Variants in DYNC1H1 observed in about 807,000 individuals in gnomAD.
DYNC1H1 encodes dynein cytoplasmic 1 heavy chain 1.
DYNC1H1 carries 51 observed loss-of-function variants against 527.1 expected under a neutral mutation model. The ratio of observed to expected loss-of-function variants is 0.10; its 90% CI spans 0.08 to 0.12. The LOEUF is 0.12. Ranked by LOEUF, DYNC1H1 falls within the 10% of genes least tolerant of loss-of-function variation. The pLI is 1.00. For missense variants in DYNC1H1, 2,771 were observed against 5,971.8 expected (o/e 0.46, Z 17.66); for synonymous variants, 2,189 against 2,278.8 (o/e 0.96, Z 1.12).
chr14:102,031,035 A>G (rs78744107), intron 51 of DYNC1H1, among the ~76,000 whole-genome samples: 8 of 152,360 alleles, frequency 5.3e-5, no homozygotes, highest in Non-Finnish European at 1.0e-4. Context: ...CCTGTTTCAA[A>G]TAACCCAATT....
rs1371921773 is a variant in DYNC1H1 at position 102,050,657 on chromosome 14, A to G, written c.*94A>G. ...TTGGAAGGTCTGAGCTTGTGAAAAG[A>G]AAGTGGTTGGTCTGAGGTTGGAGGA... On this transcript the variant is annotated 3_prime_UTR_variant, in exon 78 of 78. Coordinates refer to ENST00000360184, the MANE Select transcript of DYNC1H1 (RefSeq NM_001376.5). The G allele has an allele frequency of 3.7e-6, 6 of 1,600,442 alleles. No individual in the cohort carries two copies. Among genetic ancestry groups the G allele is most frequent in the Non-Finnish European group, 5.1e-6 (6 of 1,171,178 alleles).
At chr14:102,008,072 A>G in intron 28 of DYNC1H1, 106 bp from the exon 29 acceptor site, 6 of 1,540,298 alleles carry the variant, frequency 3.9e-6, no homozygotes, top group South Asian at 1.1e-5. Flanking sequence ...CTAAAGACAA[A>G]CCCACTAGGG....
At chr14:101,969,126 T>G (rs2047700475) in intron 1 of DYNC1H1, among the ~76,000 whole-genome samples, 1 of 151,604 alleles carries the variant, frequency 6.6e-6, no homozygotes. Context: ...CACGCCATTC[T>G]CCTGCCTGAG....
rs1486693622 is a variant in DYNC1H1 at position 102,038,019 on chromosome 14, T to C, written c.10909-441T>C. The C allele has an allele frequency of 3.2e-6, 1 of 308,842 alleles. No individual in the cohort carries two copies. Among genetic ancestry groups the C allele is most frequent in the Non-Finnish European group, 6.3e-6 (1 of 159,556 alleles). The allele number at this position is 308,842 out of a possible 1,614,324, so 19.1% of individuals were successfully genotyped here. Reference sequence around the variant, plus strand: ...GACTAGGAACTGAGTTTTAATTTTTTATTTTATGTTTTTTTGAGACAGAGT... The same window carrying C: ...GACTAGGAACTGAGTTTTAATTTTTCATTTTATGTTTTTTTGAGACAGAGT... On this transcript the variant is annotated intron_variant, in intron 57 of 77. Coordinates refer to ENST00000360184, the MANE Select transcript of DYNC1H1 (RefSeq NM_001376.5). This position sits in a 1 kb window ranked among gnomAD's most constrained non-coding sequence, Gnocchi z 7.2.
At chr14:102,043,437 TG>T in intron 69 of DYNC1H1, 1 of 312,018 alleles carries the variant, frequency 3.2e-6, no homozygotes, top group South Asian at 2.9e-5. Context: ...ACGGAGAAGC[TG>T]GGACTCAGAG....
At chr14:101,975,517 C>A (rs1173905538) in intron 1 of DYNC1H1, among the ~76,000 whole-genome samples, 195 bp from the exon 2 acceptor site, 1 of 152,158 alleles carries the variant, frequency 6.6e-6, no homozygotes, top group Non-Finnish European at 1.5e-5. Flanking sequence ...TCACAGACAA[C>A]CGCCTTGCCC....
At chr14:101,972,506 T>C (rs1173981083) in intron 1 of DYNC1H1, among the ~76,000 whole-genome samples, 1 of 152,212 alleles carries the variant, frequency 6.6e-6, no homozygotes, top group Non-Finnish European at 1.5e-5. Flanking sequence ...GGGTGTGCCT[T>C]CCTGAGCTGA....
chr14:101,993,900 C>T (rs1229898952), intron 11 of DYNC1H1, among the ~76,000 whole-genome samples: 3 of 152,214 alleles, frequency 2.0e-5, no homozygotes, highest in African/African-American at 7.2e-5. Context: ...TGGCACATAA[C>T]AGGCACTCAG....
Position 102,056,013 on chromosome 14 carries a change from G to GTCCT in DYNC1H1, c.*5451_*5454dup, listed in dbSNP as rs2048872969. On this transcript the variant is annotated 3_prime_UTR_variant, in exon 78 of 78. Coordinates refer to ENST00000360184, the MANE Select transcript of DYNC1H1 (RefSeq NM_001376.5). ...CGCACCCATGACACAGCCTCAGGAG[G>GTCCT]TCCTGACTGGGGGGAGAGAGACCCT... 1 of 152,216 alleles carries GTCCT rather than the reference G, an allele frequency of 6.6e-6. No individual in the cohort carries two copies. The highest frequency in any genetic ancestry group is 1.5e-5 in the Non-Finnish European group (1 of 68,050). The allele number at this position is 152,216 out of a possible 1,614,324, so 9.4% of individuals were successfully genotyped here.
In DYNC1H1 at chr14:101,988,953, A is replaced by G. The variant is rs1450063974; in HGVS notation, c.2868+101A>G. 3 of 1,482,530 alleles carry G rather than the reference A, an allele frequency of 2.0e-6. No individual in the cohort carries two copies. The African/African-American group carries it at 4.2e-5, about 21-fold the overall frequency. 91.8% of individuals were successfully genotyped at this position (1,482,530 alleles called of 1,614,324 possible). On this transcript the variant is annotated intron_variant, in intron 10 of 77. Coordinates refer to ENST00000360184, the MANE Select transcript of DYNC1H1 (RefSeq NM_001376.5). ...AGGTCACTTAGTGTGGACACCTGGC[A>G]GATGCCACCTTAACCAGGTGATGAA...
chr14:102,026,141 C>T (rs1473539485), intron 43 of DYNC1H1, among the ~76,000 whole-genome samples: 1 of 151,538 alleles, frequency 6.6e-6, no homozygotes. Flanking sequence ...CAGGCCCTCA[C>T]ACCTGGTTCT....
In DYNC1H1 at chr14:101,985,158, T is replaced by A. The variant is rs1357085719; in HGVS notation, c.1462-529T>A. ...GACTTCCTGGGTTTTAAATCCTAAT[T>A]CCATCGTTTACTAGCTCTGTGACTG... On this transcript the variant is annotated intron_variant, in intron 7 of 77. Transcript: ENST00000360184. This position sits in a 1 kb window ranked among gnomAD's most constrained non-coding sequence, Gnocchi z 5.9. Among the ~76,000 whole-genome samples, 3 of 152,220 alleles carry A rather than the reference T, an allele frequency of 2.0e-5. No individual in the cohort carries two copies. Among genetic ancestry groups the A allele is most frequent in the Admixed American group, 1.3e-4 (2 of 15,294 alleles).
At position 101,989,287 on chromosome 14, in the gene DYNC1H1, C is replaced by T. The variant is rs17540825; in HGVS notation, c.2868+435C>T. Among the ~76,000 whole-genome samples the T allele has an allele frequency of 1.3e-4, 20 of 152,352 alleles. No homozygotes were observed. The East Asian group carries it at 1.9e-3, about 15-fold the overall frequency. On this transcript the variant is annotated intron_variant, in intron 10 of 77. Transcript: ENST00000360184. ...ATTTCAAGAACTGCATGTAATCCAC[C>T]AGAAGTCAGTGTTCAGACCATGACA...
intron 1 of DYNC1H1, among the ~76,000 whole-genome samples, chr14:101,966,775 A>G (rs1230270511): frequency 6.6e-6 from 1 of 152,180 alleles, no homozygotes. Context: ...AGTGATCACC[A>G]GTAATTCGCT....
chr14:101,983,457 A>C lies in DYNC1H1; in HGVS notation c.1309A>C (p.Ile437Leu). ...GAAACTTCAGGTATTGTTGAGAGAC[A>C]TCGTCAAAAGAAAAAGGGAAGAAAA... is the stretch of plus-strand genomic sequence containing the variant. ...YEKLQVLLRD[I>L]VKRKREENLK... The change falls in exon 7 of 78, where the codon ATC becomes CTC. Residue 437 changes from isoleucine (I) to leucine (L), a missense_variant. Physicochemically the swap from Ile to Leu is conservative, Grantham distance 5. Around this residue, in one of 32 missense-constraint regions of DYNC1H1, gnomAD observed 264 missense variants for 619.4 expected, o/e 0.43. Transcript: ENST00000360184. The surrounding 1 kb of genome is among the most constrained non-coding windows in gnomAD (Gnocchi z 5.3). 6.2e-7 allele frequency: 1 copy of C among 1,614,154 alleles called. No individual in the cohort carries two copies. The highest frequency in any genetic ancestry group is 8.5e-7 in the Non-Finnish European group (1 of 1,180,036).
chr14:102,048,462 C>T, intron 73 of DYNC1H1, 54 bp from the exon 74 acceptor site: 4 of 1,611,892 alleles, frequency 2.5e-6, no homozygotes, highest in African/African-American at 1.3e-5. Flanking sequence ...TTGACCTTTA[C>T]ACTGGAGAAA....
At chr14:102,024,378 C>G (rs2048424491) in intron 43 of DYNC1H1, among the ~76,000 whole-genome samples, 1 of 152,148 alleles carries the variant, frequency 6.6e-6, no homozygotes, top group Non-Finnish European at 1.5e-5. Flanking sequence ...TAGGCAGCTC[C>G]CACTCCAGTG....
In DYNC1H1 at chr14:102,044,708, A is replaced by C; in HGVS notation, c.13006+10A>C. ...CTCCTTACCACACAGGGTAGGCAAC[A>C]AGGATCCTCCCCACACGCAGGGTGG... On this transcript the variant is annotated intron_variant, in intron 72 of 77. Transcript: ENST00000360184. The surrounding 1 kb of genome is among the most constrained non-coding windows in gnomAD (Gnocchi z 7.1). The C allele has an allele frequency of 6.2e-7, 1 of 1,613,200 alleles. No individual in the cohort carries two copies. The highest frequency in any genetic ancestry group is 8.5e-7 in the Non-Finnish European group (1 of 1,179,954).
rs2047663075 is a variant in DYNC1H1 at position 101,965,972 on chromosome 14, C to G, written c.256+1025C>G. On this transcript the variant is annotated intron_variant, in intron 1 of 77. Coordinates refer to ENST00000360184, the MANE Select transcript of DYNC1H1 (RefSeq NM_001376.5). The surrounding 1 kb of genome is among the most constrained non-coding windows in gnomAD (Gnocchi z 4.1). ...CTGCAGGCAGGCTTTCTCATGGATTCATTACAACCACTTTGTAGCCCATTA... is the reference window on the plus strand; with the variant it reads ...CTGCAGGCAGGCTTTCTCATGGATTGATTACAACCACTTTGTAGCCCATTA... Among the ~76,000 whole-genome samples, 1 of 152,118 alleles carries G rather than the reference C, an allele frequency of 6.6e-6. No homozygotes were observed. The highest frequency in any genetic ancestry group is 2.1e-4 in the South Asian group (1 of 4,834).
Sources: gnomAD v4.1 joint callset for allele counts (sites outside exome capture counted in the v4.1 genomes callset) on GRCh38, gnomAD v4.1.1 for gene constraint, gnomAD v4.1.1 regional missense constraint, Gnocchi (gnomAD v3.1) non-coding constraint, MANE v1.5 for transcripts, NCBI Gene and HGNC (gene_info 2026-07-23, HGNC 2026-07-21) for gene names.